Variants in GRM7 observed in about 807,000 individuals in gnomAD.
GRM7 encodes the protein metabotropic glutamate receptor 7.
In GRM7, 35 loss-of-function variants were observed where a neutral mutation model predicts 84.5. That is an observed-to-expected ratio of 0.41 (90% CI 0.32 to 0.55). GRM7 has a LOEUF of 0.55. GRM7 is among the 20% of genes least tolerant of loss of function. The pLI is 0.19. For synonymous variants in GRM7, 487 were observed against 455.1 expected (o/e 1.07, Z -0.89); for missense variants, 1,003 against 1,194.6 (o/e 0.84, Z 2.36).
intron 2 of GRM7, among the ~76,000 whole-genome samples, chr3:7,206,680 G>A (rs1005784292): frequency 1.3e-5 from 2 of 152,186 alleles, no homozygotes; most frequent in Admixed American, 6.5e-5. Context: ...TGCAAGGAAA[G>A]CAAAAGGAGA....
At chr3:7,120,036 C>A (rs1693166482) in intron 1 of GRM7, among the ~76,000 whole-genome samples, 1 of 151,798 alleles carries the variant, frequency 6.6e-6, no homozygotes, top group Admixed American at 6.6e-5. Flanking sequence ...ACAAATAAAT[C>A]CTAGGAGATT....
intron 5 of GRM7, among the ~76,000 whole-genome samples, chr3:7,443,897 A>C (rs1349744717): frequency 6.6e-6 from 1 of 152,184 alleles, no homozygotes; most frequent in Non-Finnish European, 1.5e-5. Flanking sequence ...GATTTTTGTT[A>C]ATTGTTTTTT....
intron 1 of GRM7, among the ~76,000 whole-genome samples, chr3:7,001,539 T>C (rs1190698596): frequency 6.6e-6 from 1 of 152,184 alleles, no homozygotes; most frequent in Non-Finnish European, 1.5e-5. Context: ...GCAAATAAGC[T>C]TTTCCACATA....
chr3:7,730,067 G>A lies in GRM7; in HGVS notation c.2699-10290G>A, dbSNP rs1702261002. Among the ~76,000 whole-genome samples the A allele has an allele frequency of 2.0e-5, 3 of 149,362 alleles. No homozygotes were observed. In the South Asian group the frequency reaches 6.4e-4, roughly 32 times the overall value. On this transcript the variant is annotated intron_variant, in intron 9 of 9. Transcript: ENST00000357716. ...TTTTTGTATTTTTAGTAGAGACAGG[G>A]TTTCACCATGTTGGACAGGCTGGTT...
At chr3:6,950,642 C>T (rs1297313889) in intron 1 of GRM7, among the ~76,000 whole-genome samples, 1 of 152,214 alleles carries the variant, frequency 6.6e-6, no homozygotes, top group Non-Finnish European at 1.5e-5. Flanking sequence ...TGTCTGTGCC[C>T]TGCCCCCAGA....
intron 4 of GRM7, among the ~76,000 whole-genome samples, chr3:7,394,833 T>C (rs1290574143): frequency 2.0e-5 from 3 of 151,670 alleles, no homozygotes; most frequent in Non-Finnish European, 2.9e-5. Flanking sequence ...AGGACTGGAG[T>C]TCAAGACCAT....
rs1015065665 is a variant in GRM7, at chr3:6,863,919, G to C, written c.519+2012G>C. On this transcript the variant is annotated intron_variant, in intron 1 of 9. Coordinates refer to ENST00000357716, the MANE Select transcript of GRM7 (RefSeq NM_000844.4). The surrounding 1 kb of genome is among the most constrained non-coding windows in gnomAD (Gnocchi z 4.8). ...AAGTCAAGAAAGGGGTTACAGACTA[G>C]GCTGAGGGACTGTGTTTGCTGAAAA... Among the ~76,000 whole-genome samples the C allele has an allele frequency of 6.6e-6, 1 of 152,188 alleles. No homozygotes were observed. Among genetic ancestry groups the C allele is most frequent in the African/African-American group, 2.4e-5 (1 of 41,436 alleles).
At chr3:7,326,179 A>C (rs73028091) in intron 4 of GRM7, among the ~76,000 whole-genome samples, 1 of 148,954 alleles carries the variant, frequency 6.7e-6, no homozygotes. Context: ...GCAAAAAAAA[A>C]AGAAAAAAAA....
intron 2 of GRM7, among the ~76,000 whole-genome samples, chr3:7,293,111 A>G (rs1349272907): frequency 1.3e-5 from 2 of 152,124 alleles, no homozygotes; most frequent in Non-Finnish European, 2.9e-5. Context: ...GCATATCTAA[A>G]TAATAGAATC....
chr3:7,481,165 A>G (rs1013366305), intron 7 of GRM7, among the ~76,000 whole-genome samples: 1 of 151,936 alleles, frequency 6.6e-6, no homozygotes, highest in Non-Finnish European at 1.5e-5. Context: ...TGCAGCATCA[A>G]TCTCCCAGGC....
chr3:6,880,862 T>G (rs1193783515), intron 1 of GRM7, among the ~76,000 whole-genome samples: 2 of 152,232 alleles, frequency 1.3e-5, no homozygotes, highest in East Asian at 3.9e-4. Context: ...GTTAATTAAC[T>G]TGAAAGGTAA....
rs1302256873 is a variant in GRM7, at chr3:7,680,234, AC to A, written c.2640del (p.Ser881ValfsTer16). 3 of 1,613,892 alleles carry A rather than the reference AC, an allele frequency of 1.9e-6. No homozygotes were observed. The highest frequency in any genetic ancestry group is 2.5e-6 in the Non-Finnish European group (3 of 1,179,762). On this transcript the variant is annotated frameshift_variant, in exon 9 of 10. Coordinates refer to ENST00000357716, the MANE Select transcript of GRM7 (RefSeq NM_000844.4). LOFTEE classifies it high-confidence loss of function. ...ATMSSRLSHK[P>X]SDRPNGEAKT... ...CCATGTCATCGAGGCTGTCACACAA[AC>A]CCAGTGACAGACCCAACGGTGAGGC...
intron 8 of GRM7, among the ~76,000 whole-genome samples, chr3:7,665,599 T>A (rs1699667331): frequency 6.6e-6 from 1 of 152,230 alleles, no homozygotes; most frequent in Non-Finnish European, 1.5e-5. Context: ...AGCTGTTTGT[T>A]TTTCCAAGTA....
Position 7,302,369 on chromosome 3 carries a change from C to A in GRM7, c.878+3544C>A, listed in dbSNP as rs1000197294. ...ATTATAGATTAATCATTTCATATCACAAGTACTTTTAAATGCTTTAATTAT... is the reference window on the plus strand; with the variant it reads ...ATTATAGATTAATCATTTCATATCAAAAGTACTTTTAAATGCTTTAATTAT... On this transcript the variant is annotated intron_variant, in intron 3 of 9. Coordinates refer to ENST00000357716, the MANE Select transcript of GRM7 (RefSeq NM_000844.4). 7.2e-5 allele frequency among the ~76,000 whole-genome samples: 11 copies of A among 152,064 alleles called. No individual in the cohort carries two copies. In the South Asian group the frequency reaches 1.0e-3, roughly 14 times the overall value.
chr3:7,633,000 G>T (rs3804862), intron 8 of GRM7, among the ~76,000 whole-genome samples: 107,697 of 152,172 alleles, frequency 0.71, 38,469 homozygotes, highest in East Asian at 0.86. Flanking sequence ...AGAACCTAAA[G>T]GAAATGTGTC....
intron 1 of GRM7, among the ~76,000 whole-genome samples, chr3:6,993,070 AT>A (rs1317957980): frequency 6.6e-6 from 1 of 152,226 alleles, no homozygotes; most frequent in Non-Finnish European, 1.5e-5. Context: ...GAAACTTACA[AT>A]CATGGCAGAA....
At chr3:7,249,915 T>A (rs1697917036) in intron 2 of GRM7, among the ~76,000 whole-genome samples, 1 of 152,108 alleles carries the variant, frequency 6.6e-6, no homozygotes, top group Admixed American at 6.6e-5. Context: ...TGATACCAGG[T>A]CTGCATTCAA....
At chr3:7,315,510 G>A (rs1191078607) in intron 4 of GRM7, among the ~76,000 whole-genome samples, 2 of 152,126 alleles carry the variant, frequency 1.3e-5, no homozygotes, top group Non-Finnish European at 2.9e-5. Context: ...TCTCCACCCT[G>A]AGAAGTTCTG....
intron 1 of GRM7, among the ~76,000 whole-genome samples, chr3:7,085,488 C>A (rs1412720044): frequency 6.6e-6 from 1 of 152,058 alleles, no homozygotes; most frequent in Non-Finnish European, 1.5e-5. Flanking sequence ...AGTTGTATAG[C>A]TCTGTCTTGA....
Sources: gnomAD v4.1 joint callset for allele counts (sites outside exome capture counted in the v4.1 genomes callset) on GRCh38, gnomAD v4.1.1 for gene constraint, Gnocchi (gnomAD v3.1) non-coding constraint, MANE v1.5 for transcripts, NCBI Gene and HGNC (gene_info 2026-07-23, HGNC 2026-07-21) for gene names.